The following ANO3 variants were observed in gnomAD, a reference collection of about 807,000 sequenced individuals.
ANO3 encodes anoctamin-3.
In ANO3, 99 loss-of-function variants were observed where a neutral mutation model predicts 144.8. That is an observed-to-expected ratio of 0.68 (90% CI 0.58 to 0.81). The LOEUF is 0.81. Ranked by LOEUF, ANO3 falls within the 30% of genes least tolerant of loss-of-function variation. The pLI is 0.00. For missense variants in ANO3, 905 were observed against 1,202.2 expected (o/e 0.75, Z 3.66); for synonymous variants, 414 against 392.6 (o/e 1.05, Z -0.64).
At chr11:26,259,053 A>G (rs1254398423) in intron 1 of ANO3, among the ~76,000 whole-genome samples, 1 of 152,188 alleles carries the variant, frequency 6.6e-6, no homozygotes, top group Non-Finnish European at 1.5e-5. Flanking sequence ...TCTTTCCACA[A>G]TGAAAGGTTG....
chr11:26,292,057 G>A (rs7128374), intron 1 of ANO3, among the ~76,000 whole-genome samples: 38,018 of 151,924 alleles, frequency 0.25, 6,811 homozygotes, highest in African/African-American at 0.51. Flanking sequence ...AATCAAACAT[G>A]GATTTGGTCT....
intron 1 of ANO3, among the ~76,000 whole-genome samples, chr11:26,259,232 C>T (rs1242260284): frequency 6.6e-6 from 1 of 152,098 alleles, no homozygotes; most frequent in Non-Finnish European, 1.5e-5. Flanking sequence ...AATAGATTGA[C>T]TCTTGTGTTT....
In ANO3 at chr11:26,619,825, A is replaced by G. The variant is rs537932191; in HGVS notation, c.1837-4637A>G. Among the ~76,000 whole-genome samples the G allele has an allele frequency of 2.6e-5, 4 of 152,356 alleles. No individual in the cohort carries two copies. In the South Asian group the frequency reaches 8.3e-4, roughly 32 times the overall value. On this transcript the variant is annotated intron_variant, in intron 17 of 26. Coordinates refer to ENST00000256737, the MANE Select transcript of ANO3 (RefSeq NM_031418.4). ...TCTCCTTTGTTGGGCTAAGAAATCT[A>G]TATTTAAAACAAATCATTCAAAAAT...
chr11:26,304,011 C>T (rs1564957004), intron 1 of ANO3, among the ~76,000 whole-genome samples: 2 of 152,086 alleles, frequency 1.3e-5, no homozygotes, highest in Non-Finnish European at 2.9e-5. Flanking sequence ...TCGTGCACGG[C>T]CAAAATTATT....
intron 4 of ANO3, among the ~76,000 whole-genome samples, chr11:26,466,747 G>A (rs1565042313): frequency 6.6e-6 from 1 of 151,954 alleles, no homozygotes; most frequent in Non-Finnish European, 1.5e-5. Flanking sequence ...ACAGAATCAT[G>A]AGCCAAAGAG....
intron 5 of ANO3, among the ~76,000 whole-genome samples, chr11:26,513,892 C>T (rs926374658): frequency 3.9e-5 from 6 of 152,076 alleles, no homozygotes; most frequent in Non-Finnish European, 7.4e-5. Flanking sequence ...CTCCTCCAGC[C>T]TCTGGGGAAA....
At chr11:26,271,866 T>A (rs1223860162) in intron 1 of ANO3, among the ~76,000 whole-genome samples, 2 of 152,132 alleles carry the variant, frequency 1.3e-5, no homozygotes, top group Non-Finnish European at 2.9e-5. Flanking sequence ...ATACTTAATA[T>A]TATGCAATAC....
intron 5 of ANO3, among the ~76,000 whole-genome samples, chr11:26,513,768 T>G (rs747927417): frequency 1.7e-4 from 26 of 152,144 alleles, no homozygotes; most frequent in Non-Finnish European, 3.8e-4. Context: ...ATGATCAGTG[T>G]GTTCTCAAGG....
intron 14 of ANO3, among the ~76,000 whole-genome samples, chr11:26,561,700 A>T (rs1255737815): frequency 2.0e-5 from 3 of 152,002 alleles, no homozygotes; most frequent in Non-Finnish European, 4.4e-5. Context: ...AGATAAAAAA[A>T]GTATTTGTGG....
At chr11:26,644,309 G>A (rs1473346142) in intron 23 of ANO3, among the ~76,000 whole-genome samples, 1 of 152,078 alleles carries the variant, frequency 6.6e-6, no homozygotes, top group Non-Finnish European at 1.5e-5. Context: ...GCCTCATTCT[G>A]TATGATTCCT....
chr11:26,264,441 T>C (rs550709128), intron 1 of ANO3, among the ~76,000 whole-genome samples: 15 of 152,174 alleles, frequency 9.9e-5, no homozygotes, highest in Non-Finnish European at 1.9e-4. Flanking sequence ...AAGAAGTTAA[T>C]GTGCCAGCTG....
intron 4 of ANO3, among the ~76,000 whole-genome samples, chr11:26,476,895 G>GTGTGTGTA (rs1217524278): frequency 2.3e-4 from 28 of 121,226 alleles, no homozygotes; most frequent in Admixed American, 3.9e-4. Context: ...AATTTTGTGT[G>GTGTGTGTA]TGTGTGTATG....
chr11:26,243,809 G>A (rs1287879615), intron 1 of ANO3, among the ~76,000 whole-genome samples: 1 of 152,092 alleles, frequency 6.6e-6, no homozygotes, highest in Non-Finnish European at 1.5e-5. Flanking sequence ...CTTAAATGAA[G>A]CCATGGTATG....
At chr11:26,302,107 A>G (rs1460582732) in intron 1 of ANO3, among the ~76,000 whole-genome samples, 1 of 152,196 alleles carries the variant, frequency 6.6e-6, no homozygotes, top group Non-Finnish European at 1.5e-5. Context: ...TGTCTCATAT[A>G]ATTTCTTATA....
intron 4 of ANO3, among the ~76,000 whole-genome samples, chr11:26,484,068 T>C (rs903890870): frequency 6.6e-6 from 1 of 152,110 alleles, no homozygotes; most frequent in African/African-American, 2.4e-5. Flanking sequence ...ATGAAAGAAA[T>C]TTCAAAGTAG....
At chr11:26,552,834 T>C (rs1849970107) in intron 12 of ANO3, among the ~76,000 whole-genome samples, 1 of 152,098 alleles carries the variant, frequency 6.6e-6, no homozygotes, top group African/African-American at 2.4e-5. Flanking sequence ...GTGTTATAAA[T>C]TGTGTGATCA....
At chr11:26,324,158 G>A (rs776199080) in intron 1 of ANO3, among the ~76,000 whole-genome samples, 2 of 152,198 alleles carry the variant, frequency 1.3e-5, no homozygotes, top group Non-Finnish European at 2.9e-5. Context: ...AGCAATTGAG[G>A]TAAATAAGAG....
chr11:26,366,264 G>A lies in ANO3; in HGVS notation c.46+33943G>A, dbSNP rs531189104. On this transcript the variant is annotated intron_variant, in intron 1 of 26. Coordinates refer to ENST00000256737, the MANE Select transcript of ANO3 (RefSeq NM_031418.4). The stretch of plus-strand genomic sequence containing the variant: ...GCGGTGTTTGGTTTTTTGTCCTTGC[G>A]ATAGTTGGCTGAGAATGATGGTTTC... Among the ~76,000 whole-genome samples the A allele has an allele frequency of 1.6e-3, 247 of 152,054 alleles. 1 individual carries two copies. Among genetic ancestry groups the A allele is most frequent in the South Asian group, 0.014 (66 of 4,816 alleles).
At chr11:26,560,765 C>T in intron 14 of ANO3, 2 of 250,746 alleles carry the variant, frequency 8.0e-6, no homozygotes, top group Non-Finnish European at 1.5e-5. Flanking sequence ...TGAGGCAGGG[C>T]TGTAATGGTG....
Sources: gnomAD v4.1 joint callset for allele counts (sites outside exome capture counted in the v4.1 genomes callset) on GRCh38, gnomAD v4.1.1 for gene constraint, MANE v1.5 for transcripts, NCBI Gene and HGNC (gene_info 2026-07-23, HGNC 2026-07-21) for gene names.